HDAC6: variants seen among roughly 807,000 people sequenced by gnomAD.
HDAC6 encodes histone deacetylase 6.
Under a neutral mutation model 88.9 loss-of-function variants are expected in HDAC6, and 5 were observed. The ratio of observed to expected loss-of-function variants is 0.06; its 90% CI spans 0.03 to 0.12. HDAC6 has a LOEUF of 0.12. Among genes scored for constraint, HDAC6 ranks in the 10% least tolerant of loss-of-function variants. The probability of loss-of-function intolerance (pLI) is 1.00; values close to 1 mark genes in which losing one functional copy is unlikely to be tolerated. For synonymous variants in HDAC6, 378 were observed against 398.0 expected (o/e 0.95, Z 0.60); for missense variants, 706 against 1,014.4 (o/e 0.70, Z 4.13).
Position 48,816,227 on chromosome X carries a change from C to T in HDAC6, c.1580C>T (p.Thr527Ile). 8.3e-7 allele frequency: 1 copy of T among 1,211,166 alleles called. No individual in the cohort carries two copies. Among genetic ancestry groups the T allele is most frequent in the Non-Finnish European group, 1.1e-6 (1 of 895,403 alleles). ...CTTGCCGGGCGCTGCCTCACCCTGA[C>T]ACCGCGCCCTGCCACAGAGGCTGAG... ...LGLAGRCLTLTPRPATEAELL... is the reference protein window; with the variant it reads ...LGLAGRCLTLIPRPATEAELL... Residue 527 changes from threonine to isoleucine, a missense_variant, in exon 18 of 29, where the codon ACA (threonine) becomes ATA (isoleucine). Transcript: ENST00000334136.
intron 20 of HDAC6, 182 bp from the exon 21 acceptor site, chrX:48,817,859 G>A (rs1557028161): frequency 8.6e-6 from 4 of 462,438 alleles, no homozygotes; most frequent in Admixed American, 7.3e-5. Context: ...GCCCAGCCCC[G>A]AGCACTTGCT....
chrX:48,817,645 G>A (rs960944995), intron 20 of HDAC6, 186 bp downstream of exon 20: 3 of 432,343 alleles, frequency 6.9e-6, no homozygotes, highest in Non-Finnish European at 1.2e-5. Context: ...TATTTAGATA[G>A]GACCCCCAGA....
intron 23 of HDAC6, among the ~76,000 whole-genome samples, chrX:48,821,230 CGTT>C (rs1276676775): frequency 1.0e-4 from 11 of 107,255 alleles, no homozygotes; most frequent in Non-Finnish European, 1.7e-4. Context: ...TTTTTTGAGA[CGTT>C]GTCTTGCTCT....
At chrX:48,808,170 G>T (rs782157184) in intron 9 of HDAC6, 33 bp downstream of exon 9, 8 of 1,147,151 alleles carry the variant, frequency 7.0e-6, no homozygotes, top group Non-Finnish European at 9.5e-6. Context: ...GATGGGGGTG[G>T]CATGGGGTGG....
At chrX:48,820,061 AG>A (rs2063056830) in intron 22 of HDAC6, 44 bp from the exon 23 acceptor site, 1 of 1,186,636 alleles carries the variant, frequency 8.4e-7, no homozygotes, top group Admixed American at 2.2e-5. Flanking sequence ...GCCTACCAAA[AG>A]CCCCTACCCT....
intron 21 of HDAC6, 46 bp from the exon 22 acceptor site, chrX:48,818,174 G>C: frequency 2.6e-6 from 3 of 1,170,867 alleles, no homozygotes; most frequent in Non-Finnish European, 2.3e-6. Context: ...AGGGGTACTG[G>C]AGCCCCTAAC....
At position 48,814,563 on chromosome X, in the gene HDAC6, C is replaced by T; in HGVS notation, c.930C>T (p.Asn310=). 8.3e-7 allele frequency: 1 copy of T among 1,211,920 alleles called. No individual in the cohort carries two copies. Among genetic ancestry groups the T allele is most frequent in the Non-Finnish European group, 1.1e-6 (1 of 895,356 alleles). ...GATATACCATCAATGTGCCTTGGAA[C>T]CAGGTCAGCATCTACCCACCTCTGC... ...GQGYTINVPW[N]QVGMRDADYI... Residue 310 remains asparagine (N), a synonymous_variant, in exon 11 of 29, where the codon AAC becomes AAT. Transcript: ENST00000334136.
At chrX:48,806,321 T>G (rs200608395) in intron 6 of HDAC6, 47 bp from the exon 7 acceptor site, 1 of 851,071 alleles carries the variant, frequency 1.2e-6, no homozygotes, top group Non-Finnish European at 1.8e-6. Context: ...GACAGCTCAG[T>G]TGGGGAAGAG....
chrX:48,820,446 C>A (rs952853291), intron 23 of HDAC6, among the ~76,000 whole-genome samples, 191 bp downstream of exon 23: 1 of 112,577 alleles, frequency 8.9e-6, no homozygotes, highest in African/African-American at 3.2e-5. Context: ...GCAGAGCACT[C>A]TTCTGAGCAC....
chrX:48,803,040 C>G, intron 3 of HDAC6, 41 bp downstream of exon 3: 1 of 1,204,859 alleles, frequency 8.3e-7, no homozygotes, highest in Non-Finnish European at 1.1e-6. Flanking sequence ...GTATGACAAT[C>G]AAAACCCAAA....
Position 48,803,235 on chromosome X carries a change from G to A in HDAC6, c.311+19G>A. The A allele has an allele frequency of 8.7e-7, 1 of 1,145,943 alleles. No individual in the cohort carries two copies. The highest frequency in any genetic ancestry group is 1.2e-6 in the Non-Finnish European group (1 of 837,563). 94.4% of individuals were successfully genotyped at this position (1,145,943 alleles called of 1,213,427 possible). On this transcript the variant is annotated intron_variant, in intron 4 of 28. Transcript: ENST00000334136. Reference sequence around the variant, plus strand: ...ATGACAGGTGAGGCTGGGTCCTCCAGGCTGTCTCCAAACCACAAAAATACA... The same window carrying A: ...ATGACAGGTGAGGCTGGGTCCTCCAAGCTGTCTCCAAACCACAAAAATACA...
Position 48,808,344 on chromosome X carries a change from C to T in HDAC6, c.806+18C>T. ...GACCCCAGGTATACCCCGACTCCCA[C>T]CTAGGTGCTAGACTCCCAGCCACCT... is the stretch of plus-strand genomic sequence containing the variant. On this transcript the variant is annotated intron_variant, in intron 10 of 28. Transcript: ENST00000334136. The T allele has an allele frequency of 8.6e-7, 1 of 1,163,111 alleles. No individual in the cohort carries two copies. Among genetic ancestry groups the T allele is most frequent in the Non-Finnish European group, 1.2e-6 (1 of 856,699 alleles).
At position 48,822,653 on chromosome X, in the gene HDAC6, A is replaced by G; in HGVS notation, c.2371A>G (p.Met791Val). Residue 791 changes from methionine (M) to valine (V), a missense_variant, in exon 24 of 29, where the codon ATG becomes GTG. By Grantham distance (21) the Met-to-Val change is conservative. Transcript: ENST00000334136. ...TAACCTGACATCCATCTCAGAGTCCATGGCTGCCTGCACTCGCTCCCTCCT... is the reference window on the plus strand; with the variant it reads ...TAACCTGACATCCATCTCAGAGTCCGTGGCTGCCTGCACTCGCTCCCTCCT... The part of the protein sequence containing the change: ...GYNLTSISES[M>V]AACTRSLLGD... 1 of 1,205,662 alleles carries G rather than the reference A, an allele frequency of 8.3e-7. No individual in the cohort carries two copies. The highest frequency in any genetic ancestry group is 1.7e-5 in the African/African-American group (1 of 57,455).
At chrX:48,806,869 G>C in intron 8 of HDAC6, 163 bp downstream of exon 8, 1 of 388,544 alleles carries the variant, frequency 2.6e-6, no homozygotes, top group East Asian at 4.1e-5. Context: ...CCAGACACCT[G>C]CCTCCTCTCA....
At position 48,815,416 on chromosome X, in the gene HDAC6, C is replaced by T. The variant is rs374641083; in HGVS notation, c.1182C>T (p.Gly394=). The T allele has an allele frequency of 4.6e-5, 55 of 1,204,263 alleles. No homozygotes were observed. The highest frequency in any genetic ancestry group is 1.6e-4 in the South Asian group (9 of 55,789). Residue 394 remains glycine (G), a synonymous_variant, in exon 15 of 29, where the codon GGC becomes GGT. Transcript: ENST00000334136. ...GGYNLRALAE[G]VSASLHTLLG... ...ACAACCTCCGCGCCCTGGCTGAAGG[C>T]GTCAGTGCTTCGCTCCACACCCTTC...
rs145874648 is a variant in HDAC6 at position 48,823,095 on chromosome X, A to G, written c.2696A>G (p.Glu899Gly). The change falls in exon 25 of 29, where the codon GAG becomes GGG. Residue 899 changes from glutamate (E) to glycine (G), a missense_variant. By Grantham distance (98) the Glu-to-Gly change is moderately conservative (BLOSUM62 -2). Coordinates refer to ENST00000334136, the MANE Select transcript of HDAC6 (RefSeq NM_006044.4). ...EESTPGQTNS[E>G]TAVVALTQDQ... ...TCCACTCCAGGCCAGACTAACTCAGAGACAGCTGTGGTGGCCCTCACTCAG... is the reference window on the plus strand; with the variant it reads ...TCCACTCCAGGCCAGACTAACTCAGGGACAGCTGTGGTGGCCCTCACTCAG... 3 of 1,211,168 alleles carry G rather than the reference A, an allele frequency of 2.5e-6. No homozygotes were observed. In the African/African-American group the frequency reaches 5.2e-5, roughly 21 times the overall value.
At chrX:48,805,357 T>C in intron 4 of HDAC6, 81 bp from the exon 5 acceptor site, 1 of 718,934 alleles carries the variant, frequency 1.4e-6, no homozygotes. Flanking sequence ...TGTGGAAGGG[T>C]GGATGGGGAG....
intron 28 of HDAC6, 38 bp from the exon 29 acceptor site, chrX:48,824,506 A>G (rs1569506062): frequency 8.7e-7 from 1 of 1,151,289 alleles, no homozygotes; most frequent in African/African-American, 1.8e-5. Context: ...AGGGGTCCTC[A>G]CTCTCTCTCA....
At chrX:48,806,074 G>C (rs1231455191) in intron 6 of HDAC6, 1 of 354,415 alleles carries the variant, frequency 2.8e-6, no homozygotes, top group African/African-American at 2.6e-5. Flanking sequence ...TTTAAGAGGA[G>C]AAAAAGAGTG....
Sources: allele counts gnomAD v4.1 joint callset (sites outside exome capture counted in the v4.1 genomes callset), GRCh38; gene constraint gnomAD v4.1.1; transcripts MANE v1.5; gene names NCBI Gene and HGNC (gene_info 2026-07-23, HGNC 2026-07-21).